Variants in METTL8 observed in about 807,000 individuals in gnomAD.
The protein encoded by METTL8 is tRNA N(3)-cytidine methyltransferase METTL8, mitochondrial.
A neutral mutation model predicts 48.7 loss-of-function variants in METTL8; 32 were observed. The observed-to-expected ratio is 0.66, with a 90% CI of 0.50 to 0.88. The LOEUF (loss-of-function observed/expected upper bound fraction) is 0.88. Ranked by LOEUF, METTL8 falls within the 40% of genes least tolerant of loss-of-function variation. METTL8 has a pLI of 0.00. For missense variants in METTL8, 464 were observed against 474.4 expected, an observed-to-expected ratio of 0.98 and a Z score of 0.20; for synonymous variants, 136 against 157.1, an observed-to-expected ratio of 0.87 and a Z score of 1.01.
At chr2:171,340,007 G>A (rs112572456) in intron 3 of METTL8, among the ~76,000 whole-genome samples, 97 of 151,964 alleles carry the variant, frequency 6.4e-4, no homozygotes, top group African/African-American at 2.3e-3. Flanking sequence ...GACCAGCCTG[G>A]CCAACATAGT....
Position 171,318,600 on chromosome 2 carries a change from T to C in METTL8, c.*5572A>G, listed in dbSNP as rs560052782. 8 of 152,254 alleles carry C rather than the reference T, an allele frequency of 5.3e-5. No homozygotes were observed. The highest frequency in any genetic ancestry group is 1.2e-4 in the Non-Finnish European group (8 of 68,050). 9.4% of individuals were successfully genotyped at this position (152,254 alleles called of 1,614,324 possible). A position where few individuals can be genotyped will look rare whatever the true frequency, so the allele number is the denominator to read the frequency against. The stretch of plus-strand genomic sequence containing the variant: ...GAAGCAGAATGCTGAAAAGAACTGA[T>C]TGAAAGCTTTTTGCTTTGTCATTCC... On this transcript the variant is annotated 3_prime_UTR_variant, in exon 10 of 10. Transcript: ENST00000375258.
At chr2:171,376,200 C>T (rs569916538) in intron 2 of METTL8, among the ~76,000 whole-genome samples, 1 of 152,214 alleles carries the variant, frequency 6.6e-6, no homozygotes, top group Non-Finnish European at 1.5e-5. Flanking sequence ...TATTTATTCC[C>T]AAATTCACAT....
chr2:171,331,954 T>C, intron 5 of METTL8, 87 bp from the exon 6 acceptor site: 4 of 903,276 alleles, frequency 4.4e-6, no homozygotes, highest in Non-Finnish European at 5.2e-6. Context: ...AACGTGACCA[T>C]AGCTCACTAT....
chr2:171,353,012 T>A (rs1684115579), intron 3 of METTL8, among the ~76,000 whole-genome samples: 1 of 152,222 alleles, frequency 6.6e-6, no homozygotes, highest in Non-Finnish European at 1.5e-5. Flanking sequence ...TTCTGCTAGC[T>A]TTTGAATGTG....
intron 1 of METTL8, among the ~76,000 whole-genome samples, chr2:171,425,857 G>A (rs149388475): frequency 1.3e-5 from 2 of 152,132 alleles, no homozygotes; most frequent in African/African-American, 2.4e-5. Flanking sequence ...CACTTTCCTA[G>A]AAATAAAAAA....
At chr2:171,326,440 C>T (rs796753156) in intron 7 of METTL8, 1 of 307,624 alleles carries the variant, frequency 3.3e-6, no homozygotes, top group African/African-American at 2.2e-5. Context: ...TTCAAAACCA[C>T]AGATGTTTCC....
Position 171,319,017 on chromosome 2 carries a change from C to T in METTL8, c.*5155G>A, listed in dbSNP as rs1575693192. 1 of 152,160 alleles carries T rather than the reference C, an allele frequency of 6.6e-6. No homozygotes were observed. The highest frequency in any genetic ancestry group is 6.5e-5 in the Admixed American group (1 of 15,272). The allele number at this position is 152,160 out of a possible 1,614,324, so 9.4% of individuals were successfully genotyped here. On this transcript the variant is annotated 3_prime_UTR_variant, in exon 10 of 10. Coordinates refer to ENST00000375258, the MANE Select transcript of METTL8 (RefSeq NM_001321154.2). ...TGTGTATAGTATACACAAAATCTAG[C>T]ATTCAGAGCTAAATTAAGAGTAGCT...
chr2:171,339,652 A>G, intron 3 of METTL8, 98 bp from the exon 4 acceptor site: 1 of 539,402 alleles, frequency 1.9e-6, no homozygotes, highest in Non-Finnish European at 3.0e-6. Flanking sequence ...ATTATCATTT[A>G]TAACAATTAT....
At chr2:171,329,432 C>T (rs1399602506) in intron 7 of METTL8, among the ~76,000 whole-genome samples, 1 of 152,212 alleles carries the variant, frequency 6.6e-6, no homozygotes, top group Non-Finnish European at 1.5e-5. Flanking sequence ...TCTCTATCCA[C>T]CTCTCCATCC....
At chr2:171,337,902 A>C (rs984400397) in intron 4 of METTL8, among the ~76,000 whole-genome samples, 5 of 152,178 alleles carry the variant, frequency 3.3e-5, no homozygotes, top group Admixed American at 6.5e-5. Context: ...TCATCAAAGA[A>C]ACGCATATTA....
chr2:171,389,214 A>T (rs962307453), intron 2 of METTL8, among the ~76,000 whole-genome samples: 2 of 152,136 alleles, frequency 1.3e-5, no homozygotes, highest in African/African-American at 4.8e-5. Context: ...AAAGTTCTTA[A>T]AGGAAATTAA....
chr2:171,352,930 C>T (rs1260024033), intron 3 of METTL8, among the ~76,000 whole-genome samples: 2 of 152,138 alleles, frequency 1.3e-5, no homozygotes, highest in Non-Finnish European at 2.9e-5. Context: ...CTCCTGGATT[C>T]ATTGATTTTT....
chr2:171,359,886 G>A (rs532027500), intron 3 of METTL8, among the ~76,000 whole-genome samples: 8 of 152,096 alleles, frequency 5.3e-5, no homozygotes, highest in East Asian at 1.9e-4. Context: ...CCACCGCGCC[G>A]GCTCCTGAGT....
intron 1 of METTL8, among the ~76,000 whole-genome samples, chr2:171,409,211 CT>C (rs1690492918): frequency 6.6e-6 from 1 of 152,202 alleles, no homozygotes; most frequent in Non-Finnish European, 1.5e-5. Context: ...GGGAAAGTCA[CT>C]TTGCTTACGC....
chr2:171,363,817 T>TATATATATATATATGTATATATA (rs1228494441), intron 2 of METTL8, among the ~76,000 whole-genome samples: 1 of 129,050 alleles, frequency 7.7e-6, no homozygotes, highest in Non-Finnish European at 1.7e-5. Context: ...TATATATATC[T>TATATATATATATATGTATATATA]TTTTTTTTTT....
At chr2:171,434,392 A>G (rs1361151049), upstream of METTL8, 1 of 996,860 alleles carries the variant, frequency 1.0e-6, no homozygotes, top group South Asian at 1.4e-5. Context: ...TGGCGGTGCA[A>G]GCGGCTCTGC....
chr2:171,421,074 T>G (rs945326402), intron 1 of METTL8, among the ~76,000 whole-genome samples: 1 of 151,858 alleles, frequency 6.6e-6, no homozygotes, highest in Admixed American at 6.6e-5. Flanking sequence ...AAATAAAAAG[T>G]AAAAGGTGGA....
intron 2 of METTL8, among the ~76,000 whole-genome samples, chr2:171,387,664 G>C (rs887729394): frequency 1.8e-4 from 27 of 151,528 alleles, no homozygotes; most frequent in African/African-American, 6.5e-4. Flanking sequence ...AATTGAGATT[G>C]TTTACCTTAT....
chr2:171,365,470 G>C (rs545001014), intron 2 of METTL8, among the ~76,000 whole-genome samples: 1 of 152,100 alleles, frequency 6.6e-6, no homozygotes, highest in South Asian at 2.1e-4. Flanking sequence ...ATTGGGTGGA[G>C]GCCGAGAGCT....
Sources: gnomAD v4.1 joint callset for allele counts (sites outside exome capture counted in the v4.1 genomes callset) on GRCh38, gnomAD v4.1.1 for gene constraint, MANE v1.5 for transcripts, NCBI Gene and HGNC (gene_info 2026-07-23, HGNC 2026-07-21) for gene names.